Variants in CARMIL1 observed in about 807,000 individuals in gnomAD.
CARMIL1 encodes F-actin-uncapping protein LRRC16A.
A neutral mutation model predicts 177.1 loss-of-function variants in CARMIL1; 90 were observed. The ratio of observed to expected loss-of-function variants is 0.51; its 90% confidence interval spans 0.43 to 0.61. The LOEUF is 0.61. Among genes scored for constraint, CARMIL1 ranks in the 20% least tolerant of loss-of-function variants. CARMIL1 has a pLI of 0.00. For synonymous variants in CARMIL1, 577 were observed against 606.2 expected (o/e 0.95, Z 0.71); for missense variants, 1,380 against 1,667.0 (o/e 0.83, Z 3.00).
chr6:25,508,355 G>A (rs1310141935), intron 17 of CARMIL1, among the ~76,000 whole-genome samples: 1 of 152,182 alleles, frequency 6.6e-6, no homozygotes, highest in African/African-American at 2.4e-5. Flanking sequence ...GTCTGCCTCT[G>A]TGTAATACTC....
At chr6:25,501,459 C>T (rs886743890) in intron 17 of CARMIL1, among the ~76,000 whole-genome samples, 30 of 152,166 alleles carry the variant, frequency 2.0e-4, no homozygotes, top group African/African-American at 6.3e-4. Flanking sequence ...TAGTAACTCT[C>T]CCAATGGATT....
chr6:25,496,906 G>A (rs540932838), intron 16 of CARMIL1, among the ~76,000 whole-genome samples: 9 of 152,298 alleles, frequency 5.9e-5, no homozygotes, highest in African/African-American at 1.7e-4. Flanking sequence ...TGATTTTGCG[G>A]AATATTCCAG....
chr6:25,352,403 A>G (rs1327513168), intron 2 of CARMIL1, among the ~76,000 whole-genome samples: 1 of 152,016 alleles, frequency 6.6e-6, no homozygotes, highest in Non-Finnish European at 1.5e-5. Context: ...TATTAAACTT[A>G]ATATATGACT....
intron 2 of CARMIL1, among the ~76,000 whole-genome samples, chr6:25,319,682 G>C (rs1025858616): frequency 3.3e-5 from 5 of 151,124 alleles, no homozygotes; most frequent in African/African-American, 1.2e-4. Flanking sequence ...ACTCCTAGAA[G>C]ATAGGAACCT....
Position 25,279,404 on chromosome 6 carries a change from G to GGGCT in CARMIL1, c.-390_-387dup. The GGGCT allele has an allele frequency of 3.0e-6, 1 of 336,326 alleles. No individual in the cohort carries two copies. The highest frequency in any genetic ancestry group is 2.8e-5 in the South Asian group (1 of 35,712). 20.8% of individuals were successfully genotyped at this position (336,326 alleles called of 1,614,324 possible). A position where few individuals can be genotyped will look rare whatever the true frequency, so the allele number is the denominator to read the frequency against. On this transcript the variant is annotated 5_prime_UTR_variant, in exon 1 of 37. Transcript: ENST00000329474. ...CTCCCACGCCTTCCGCTTTCACCTA[G>GGGCT]GGCTGTAGGTGCGGCGCGGAGGCTG...
chr6:25,315,638 C>T (rs1784218036), intron 2 of CARMIL1, among the ~76,000 whole-genome samples: 1 of 152,192 alleles, frequency 6.6e-6, no homozygotes, highest in East Asian at 1.9e-4. Context: ...ATCTCTTATT[C>T]TTTCTATGAC....
intron 31 of CARMIL1, among the ~76,000 whole-genome samples, chr6:25,592,725 T>C (rs1814438777): frequency 2.0e-5 from 3 of 152,188 alleles, no homozygotes; most frequent in African/African-American, 7.2e-5. Context: ...ATAAGCCATG[T>C]TCCCCCTAGG....
intron 2 of CARMIL1, among the ~76,000 whole-genome samples, chr6:25,302,564 A>C (rs560296188): frequency 1.9e-4 from 29 of 152,246 alleles, no homozygotes; most frequent in Non-Finnish European, 3.8e-4. Context: ...TATACACAGA[A>C]TATTTGCCCA....
intron 2 of CARMIL1, among the ~76,000 whole-genome samples, chr6:25,318,026 G>A (rs923694018): frequency 6.6e-5 from 10 of 152,160 alleles, no homozygotes; most frequent in African/African-American, 2.2e-4. Flanking sequence ...ATTTGTTTCT[G>A]TTTTATGAAC....
At chr6:25,392,888 T>TG (rs1021046012) in intron 2 of CARMIL1, among the ~76,000 whole-genome samples, 5 of 151,886 alleles carry the variant, frequency 3.3e-5, no homozygotes, top group African/African-American at 9.6e-5. Context: ...GTCTAGTGGA[T>TG]GGGAAAAAAA....
chr6:25,619,735 T>A lies in CARMIL1; in HGVS notation c.*152T>A. 2 of 18,952 alleles carry A rather than the reference T, an allele frequency of 1.1e-4. No individual in the cohort carries two copies. Among genetic ancestry groups the A allele is most frequent in the East Asian group, 1.3e-3 (1 of 776 alleles). The allele number at this position is 18,952 out of a possible 1,614,324, so 1.2% of individuals were successfully genotyped here. A position where few individuals can be genotyped will look rare whatever the true frequency, so the allele number is the denominator to read the frequency against. On this transcript the variant is annotated 3_prime_UTR_variant, in exon 37 of 37. Transcript: ENST00000329474. Reference sequence around the variant, plus strand: ...TCGCCCCCACCCCCATCCCCTGCCTTTTTTTTTTTTTTTTTTTTTTTTTTT... The same window carrying A: ...TCGCCCCCACCCCCATCCCCTGCCTATTTTTTTTTTTTTTTTTTTTTTTTT...
At chr6:25,596,588 C>G (rs1814871606) in intron 32 of CARMIL1, among the ~76,000 whole-genome samples, 1 of 152,052 alleles carries the variant, frequency 6.6e-6, no homozygotes, top group Admixed American at 6.6e-5. Flanking sequence ...ACTGTAACCG[C>G]TAACTTCTTA....
At chr6:25,364,519 C>T (rs1789559422) in intron 2 of CARMIL1, among the ~76,000 whole-genome samples, 1 of 152,030 alleles carries the variant, frequency 6.6e-6, no homozygotes, top group Admixed American at 6.6e-5. Context: ...GCTTTTAATC[C>T]ACTGTTGCCA....
chr6:25,364,618 C>T (rs1450440184), intron 2 of CARMIL1, among the ~76,000 whole-genome samples: 1 of 151,778 alleles, frequency 6.6e-6, no homozygotes, highest in Non-Finnish European at 1.5e-5. Context: ...GACTGGAGTG[C>T]AGTGGCGCGA....
chr6:25,339,456 A>C (rs777016993), intron 2 of CARMIL1, among the ~76,000 whole-genome samples: 1 of 152,156 alleles, frequency 6.6e-6, no homozygotes, highest in African/African-American at 2.4e-5. Context: ...ATTCTGCCCA[A>C]TCCTTTTCTG....
chr6:25,433,236 T>G (rs1417546728), intron 4 of CARMIL1: 5 of 152,194 alleles, frequency 3.3e-5, no homozygotes, highest in African/African-American at 1.2e-4. Flanking sequence ...CCTGTGCAAT[T>G]AAAGATGATT....
At chr6:25,457,843 C>T (rs1799679596) in intron 8 of CARMIL1, among the ~76,000 whole-genome samples, 1 of 152,136 alleles carries the variant, frequency 6.6e-6, no homozygotes, top group Admixed American at 6.5e-5. Flanking sequence ...TGATGTTGTT[C>T]ATTGAATTAC....
intron 29 of CARMIL1, among the ~76,000 whole-genome samples, chr6:25,569,023 G>T (rs891015852): frequency 4.6e-5 from 7 of 152,112 alleles, no homozygotes; most frequent in African/African-American, 1.7e-4. Context: ...TTATACCTTG[G>T]CTGTAAATCG....
intron 2 of CARMIL1, among the ~76,000 whole-genome samples, chr6:25,292,347 A>G (rs1397168133): frequency 2.0e-5 from 3 of 152,228 alleles, no homozygotes; most frequent in Non-Finnish European, 2.9e-5. Context: ...CACTGAAACA[A>G]TCTTTGGGAG....
Sources: gnomAD v4.1 joint callset for allele counts (sites outside exome capture counted in the v4.1 genomes callset) on GRCh38, gnomAD v4.1.1 for gene constraint, MANE v1.5 for transcripts, NCBI Gene and HGNC (gene_info 2026-07-23, HGNC 2026-07-21) for gene names.